Variants in MNAT1 observed in about 807,000 individuals in gnomAD.
MNAT1 encodes the protein CDK-activating kinase assembly factor MAT1.
In MNAT1, 43 loss-of-function variants were observed where a neutral mutation model predicts 42.0. That is an observed-to-expected ratio of 1.02 (90% CI 0.80 to 1.32). The LOEUF is 1.32. MNAT1 is among the 40% of genes most tolerant of loss of function. The pLI, the probability that MNAT1 is intolerant of heterozygous loss-of-function variation, is 0.00. For synonymous variants in MNAT1, 118 were observed against 120.0 expected, an observed-to-expected ratio of 0.98 and a Z score of 0.11; for missense variants, 306 against 350.4, an observed-to-expected ratio of 0.87 and a Z score of 1.01.
intron 7 of MNAT1, among the ~76,000 whole-genome samples, chr14:60,946,186 G>T (rs2036272315): frequency 6.6e-6 from 1 of 152,094 alleles, no homozygotes; most frequent in Non-Finnish European, 1.5e-5. Context: ...TTTACAACAT[G>T]AACATACTCA....
At chr14:60,825,685 ACTCATT>A (rs1465037852) in intron 6 of MNAT1, among the ~76,000 whole-genome samples, 2 of 152,146 alleles carry the variant, frequency 1.3e-5, no homozygotes, top group East Asian at 3.8e-4. Flanking sequence ...TGATGCTGAA[ACTCATT>A]CTCTTTCTAT....
chr14:60,840,067 G>T (rs1158502147), intron 6 of MNAT1, among the ~76,000 whole-genome samples: 4 of 152,242 alleles, frequency 2.6e-5, no homozygotes, highest in Non-Finnish European at 5.9e-5. Context: ...TCCCTAGAAA[G>T]AAACTTAGAT....
intron 3 of MNAT1, among the ~76,000 whole-genome samples, chr14:60,799,659 G>A (rs960477388): frequency 2.6e-5 from 4 of 151,620 alleles, no homozygotes; most frequent in African/African-American, 9.7e-5. Flanking sequence ...AGGAGATCTT[G>A]ATTCTGGGAT....
chr14:60,890,073 C>T (rs2034797386), intron 7 of MNAT1, among the ~76,000 whole-genome samples: 1 of 152,144 alleles, frequency 6.6e-6, no homozygotes, highest in South Asian at 2.1e-4. Context: ...AGTAGAAATA[C>T]CATTTGACCC....
chr14:60,920,427 C>A (rs934936041), intron 7 of MNAT1, among the ~76,000 whole-genome samples: 4 of 151,570 alleles, frequency 2.6e-5, no homozygotes, highest in Non-Finnish European at 5.9e-5. Context: ...ACAGAAAAAT[C>A]TTGATTTTTT....
At chr14:60,955,602 A>C (rs975811603) in intron 7 of MNAT1, among the ~76,000 whole-genome samples, 1 of 152,242 alleles carries the variant, frequency 6.6e-6, no homozygotes, top group African/African-American at 2.4e-5. Context: ...CGGAGGTTGC[A>C]GTGAGCCAAG....
At chr14:60,894,874 T>C (rs998563736) in intron 7 of MNAT1, among the ~76,000 whole-genome samples, 2 of 152,236 alleles carry the variant, frequency 1.3e-5, no homozygotes, top group African/African-American at 2.4e-5. Flanking sequence ...ATGTATACAC[T>C]TCAAGCAGTA....
intron 6 of MNAT1, among the ~76,000 whole-genome samples, chr14:60,827,339 G>C (rs71416076): frequency 0.012 from 1,828 of 152,206 alleles, 14 homozygotes; most frequent in Non-Finnish European, 0.021. Context: ...GAGCCAGAAG[G>C]GAGCAGAGTA....
intron 5 of MNAT1, among the ~76,000 whole-genome samples, chr14:60,813,892 T>C (rs1432162358): frequency 2.6e-5 from 4 of 152,206 alleles, no homozygotes; most frequent in Non-Finnish European, 2.9e-5. Flanking sequence ...ACTTACTTTG[T>C]GTAACTCTAA....
At chr14:60,919,507 G>C (rs2035606929) in intron 7 of MNAT1, 1 of 152,730 alleles carries the variant, frequency 6.5e-6, no homozygotes, top group African/African-American at 2.4e-5. Flanking sequence ...GTGAGGTCCA[G>C]GTACAGCCAC....
intron 1 of MNAT1, among the ~76,000 whole-genome samples, chr14:60,738,136 T>G (rs1175248366): frequency 1.3e-5 from 2 of 151,444 alleles, no homozygotes; most frequent in Non-Finnish European, 2.9e-5. Flanking sequence ...GTATGGAGAT[T>G]CCTATTGCCA....
At chr14:60,881,988 C>T (rs1207730060) in intron 7 of MNAT1, among the ~76,000 whole-genome samples, 4 of 151,960 alleles carry the variant, frequency 2.6e-5, no homozygotes, top group South Asian at 4.2e-4. Context: ...GATGAAACCC[C>T]GACTCTACTA....
At chr14:60,890,132 C>G (rs1311337741) in intron 7 of MNAT1, among the ~76,000 whole-genome samples, 2 of 152,180 alleles carry the variant, frequency 1.3e-5, no homozygotes, top group African/African-American at 2.4e-5. Flanking sequence ...AATCATGCTG[C>G]TATAAAGACA....
chr14:60,883,453 A>G (rs2034594469), intron 7 of MNAT1, among the ~76,000 whole-genome samples: 1 of 152,120 alleles, frequency 6.6e-6, no homozygotes, highest in Admixed American at 6.6e-5. Context: ...TTTTTATGCC[A>G]GTACCATGCT....
intron 7 of MNAT1, among the ~76,000 whole-genome samples, chr14:60,918,309 C>T (rs1594871762): frequency 1.4e-5 from 2 of 140,818 alleles, no homozygotes; most frequent in Admixed American, 1.5e-4. Context: ...CCCGGGTTCA[C>T]GCCATTCTCC....
intron 1 of MNAT1, among the ~76,000 whole-genome samples, chr14:60,755,153 C>A (rs994542012): frequency 6.6e-6 from 1 of 151,986 alleles, no homozygotes; most frequent in African/African-American, 2.4e-5. Flanking sequence ...TGTGTGCCAC[C>A]ATGCCTACCT....
intron 7 of MNAT1, among the ~76,000 whole-genome samples, chr14:60,929,165 AAAAAAATAT>A (rs1249392436): frequency 1.2e-4 from 10 of 84,076 alleles, no homozygotes; most frequent in African/African-American, 3.6e-4. Flanking sequence ...AAAAAAAAAA[AAAAAAATAT>A]ATATATATAT....
intron 6 of MNAT1, among the ~76,000 whole-genome samples, chr14:60,859,662 A>T (rs760606637): frequency 6.6e-6 from 1 of 152,034 alleles, no homozygotes; most frequent in Non-Finnish European, 1.5e-5. Context: ...AAGTTTCACA[A>T]TTTTTTTTAA....
intron 1 of MNAT1, among the ~76,000 whole-genome samples, chr14:60,747,145 C>T (rs906025121): frequency 6.6e-5 from 10 of 151,046 alleles, no homozygotes; most frequent in East Asian, 2.0e-4. Context: ...CCACCACGCC[C>T]GGCTAATTTT....
Sources: allele counts gnomAD v4.1 joint callset (sites outside exome capture counted in the v4.1 genomes callset), GRCh38; gene constraint gnomAD v4.1.1; transcripts MANE v1.5; gene names NCBI Gene and HGNC (gene_info 2026-07-23, HGNC 2026-07-21).